NLGN1: variants seen among roughly 807,000 people sequenced by gnomAD.
The protein encoded by NLGN1 is neuroligin-1.
In NLGN1, 12 loss-of-function variants were observed where a neutral mutation model predicts 65.5. The observed-to-expected ratio is 0.18, with a 90% CI of 0.12 to 0.30. The LOEUF (loss-of-function observed/expected upper bound fraction) is 0.30, where lower values mean the gene tolerates loss of function less well. Among genes scored for constraint, NLGN1 ranks in the 10% least tolerant of loss-of-function variants. The pLI is 1.00. For synonymous variants in NLGN1, 350 were observed against 359.5 expected, an observed-to-expected ratio of 0.97 and a Z score of 0.30; for missense variants, 750 against 1,007.1, an observed-to-expected ratio of 0.74 and a Z score of 3.46.
At chr3:173,990,500 T>C (rs1720871555) in intron 4 of NLGN1, among the ~76,000 whole-genome samples, 1 of 152,196 alleles carries the variant, frequency 6.6e-6, no homozygotes, top group South Asian at 2.1e-4. Flanking sequence ...CTATATCACT[T>C]GCGTAACAAT....
intron 2 of NLGN1, among the ~76,000 whole-genome samples, chr3:173,560,483 G>A (rs2133287): frequency 0.81 from 122,756 of 151,918 alleles, 49,401 homozygotes; most frequent in East Asian, 0.97. Flanking sequence ...TATTTACTCC[G>A]GTAAATTTAC....
intron 4 of NLGN1, among the ~76,000 whole-genome samples, chr3:174,037,879 A>G (rs1450567582): frequency 1.3e-5 from 2 of 149,702 alleles, no homozygotes; most frequent in Admixed American, 1.3e-4. Context: ...CGGTGTGGTG[A>G]AACATTATTG....
intron 2 of NLGN1, among the ~76,000 whole-genome samples, chr3:173,533,284 G>C (rs942526812): frequency 1.3e-5 from 2 of 152,128 alleles, no homozygotes; most frequent in African/African-American, 2.4e-5. Context: ...TTTACTTACA[G>C]ATTGTTTTCT....
chr3:174,081,325 CT>C (rs1487165396), intron 4 of NLGN1, among the ~76,000 whole-genome samples: 6 of 152,214 alleles, frequency 3.9e-5, no homozygotes, highest in African/African-American at 1.4e-4. Flanking sequence ...AACTGAGTGG[CT>C]TATAAACAAC....
At chr3:174,255,540 G>A (rs1012788795) in intron 4 of NLGN1, among the ~76,000 whole-genome samples, 4 of 150,992 alleles carry the variant, frequency 2.6e-5, no homozygotes, top group African/African-American at 9.8e-5. Context: ...AACTCCTTCT[G>A]ACTGCAAAGA....
intron 2 of NLGN1, among the ~76,000 whole-genome samples, chr3:173,514,374 C>G (rs1334357839): frequency 6.6e-6 from 1 of 152,140 alleles, no homozygotes; most frequent in Non-Finnish European, 1.5e-5. Context: ...TCTTTTATCC[C>G]TCAACTCCCT....
chr3:173,524,078 G>A (rs1440905700), intron 2 of NLGN1, among the ~76,000 whole-genome samples: 4 of 148,220 alleles, frequency 2.7e-5, no homozygotes, highest in Non-Finnish European at 6.1e-5. Flanking sequence ...CCGCCACCAC[G>A]CTCAGCTAAT....
chr3:173,718,603 A>G (rs1770276584), intron 3 of NLGN1, among the ~76,000 whole-genome samples: 1 of 152,170 alleles, frequency 6.6e-6, no homozygotes, highest in South Asian at 2.1e-4. Context: ...GTTTCACTCA[A>G]CTGTAAAAAT....
chr3:174,161,446 G>C (rs1001536299), intron 4 of NLGN1, among the ~76,000 whole-genome samples: 5 of 151,934 alleles, frequency 3.3e-5, no homozygotes, highest in African/African-American at 1.2e-4. Context: ...AAACACTAGG[G>C]TTTAGTTTAC....
chr3:173,686,351 C>CT (rs1386350922), intron 3 of NLGN1, among the ~76,000 whole-genome samples: 1 of 151,160 alleles, frequency 6.6e-6, no homozygotes, highest in African/African-American at 2.4e-5. Flanking sequence ...TACTTCCTCT[C>CT]TTTTTTTCAT....
intron 3 of NLGN1, among the ~76,000 whole-genome samples, chr3:173,640,024 T>C (rs1381918366): frequency 6.6e-6 from 1 of 152,178 alleles, no homozygotes; most frequent in Non-Finnish European, 1.5e-5. Flanking sequence ...AATATTCTAA[T>C]TCATTATTGA....
intron 3 of NLGN1, among the ~76,000 whole-genome samples, chr3:173,785,223 C>T (rs748193568): frequency 6.6e-6 from 1 of 152,172 alleles, no homozygotes; most frequent in Admixed American, 6.5e-5. Flanking sequence ...GCGCCATCAC[C>T]CTTGGATCAT....
intron 2 of NLGN1, among the ~76,000 whole-genome samples, chr3:173,459,170 T>G (rs988620723): frequency 1.3e-5 from 2 of 152,146 alleles, no homozygotes; most frequent in African/African-American, 2.4e-5. Flanking sequence ...GTAATCTGTT[T>G]TGTTGTTCAT....
At chr3:173,951,220 G>GA (rs1241891937) in intron 4 of NLGN1, among the ~76,000 whole-genome samples, 12 of 151,956 alleles carry the variant, frequency 7.9e-5, no homozygotes, top group African/African-American at 2.7e-4. Context: ...CACCTAACTG[G>GA]AAAAAATGAA....
At chr3:173,786,387 C>T (rs2150344495) in intron 3 of NLGN1, among the ~76,000 whole-genome samples, 1 of 152,180 alleles carries the variant, frequency 6.6e-6, no homozygotes, top group East Asian at 1.9e-4. Flanking sequence ...TTTCTCCCTG[C>T]TCTTCTGATT....
intron 3 of NLGN1, among the ~76,000 whole-genome samples, chr3:173,776,709 C>G (rs537536150): frequency 6.6e-6 from 1 of 151,960 alleles, no homozygotes; most frequent in East Asian, 1.9e-4. Flanking sequence ...GTTTATTTTC[C>G]TCCGTATATA....
At chr3:174,285,052 A>G (rs1274059888) in exon 7 of NLGN1, 1 of 151,358 alleles carries the variant, frequency 6.6e-6, no homozygotes, top group African/African-American at 2.4e-5. Flanking sequence ...CTCTTGCCAC[A>G]CTCATCCTGA....
chr3:174,229,525 C>A (rs9864777), intron 4 of NLGN1, among the ~76,000 whole-genome samples: 48,094 of 151,988 alleles, frequency 0.32, 8,199 homozygotes, highest in East Asian at 0.52. Context: ...CTTAATTTGA[C>A]TTTACTTAAT....
chr3:174,208,702 C>A (rs1262140752), intron 4 of NLGN1, among the ~76,000 whole-genome samples: 1 of 151,008 alleles, frequency 6.6e-6, no homozygotes, highest in Non-Finnish European at 1.5e-5. Flanking sequence ...ATTTATCAAT[C>A]ATGAGGCCCA....
Sources: gnomAD v4.1 joint callset for allele counts (sites outside exome capture counted in the v4.1 genomes callset) on GRCh38, gnomAD v4.1.1 for gene constraint, MANE v1.5 for transcripts, NCBI Gene and HGNC (gene_info 2026-07-23, HGNC 2026-07-21) for gene names.